Variants in SLC6A20 observed in about 807,000 individuals in gnomAD.
SLC6A20 encodes the protein sodium- and chloride-dependent transporter XTRP3.
SLC6A20 carries 73 observed loss-of-function variants against 64.3 expected under a neutral mutation model. The observed-to-expected ratio is 1.14, with a 90% CI of 0.94 to 1.38. The LOEUF is 1.38. SLC6A20 is among the 40% of genes most tolerant of loss of function. The pLI, the probability that SLC6A20 is intolerant of heterozygous loss-of-function variation, is 0.00. For synonymous variants in SLC6A20, 347 were observed against 329.6 expected (o/e 1.05, Z -0.57); for missense variants, 725 against 772.8 (o/e 0.94, Z 0.73).
chr3:45,779,720 C>A (rs1700036879), intron 3 of SLC6A20, among the ~76,000 whole-genome samples: 1 of 152,198 alleles, frequency 6.6e-6, no homozygotes, highest in Non-Finnish European at 1.5e-5. Flanking sequence ...TGTGTGGGGT[C>A]ACATCCATCA....
chr3:45,779,746 A>G (rs970481954), intron 3 of SLC6A20, among the ~76,000 whole-genome samples: 3 of 152,188 alleles, frequency 2.0e-5, no homozygotes, highest in African/African-American at 7.2e-5. Flanking sequence ...AATCCACTGA[A>G]AGCCATGGAC....
At chr3:45,775,310 G>T (rs532344418) in intron 4 of SLC6A20, among the ~76,000 whole-genome samples, 6 of 152,244 alleles carry the variant, frequency 3.9e-5, no homozygotes, top group African/African-American at 1.4e-4. Context: ...ACCCCAGACT[G>T]GTTACTGCAG....
intron 3 of SLC6A20, 114 bp downstream of exon 3, chr3:45,779,895 C>A (rs1415109512): frequency 8.7e-7 from 1 of 1,144,154 alleles, no homozygotes; most frequent in Non-Finnish European, 1.2e-6. Flanking sequence ...CCCACCGGCT[C>A]CCCGCCCCGA....
chr3:45,764,988 G>A (rs1283269212), intron 8 of SLC6A20, among the ~76,000 whole-genome samples: 2 of 151,638 alleles, frequency 1.3e-5, no homozygotes, highest in Non-Finnish European at 2.9e-5. Flanking sequence ...TGAGATGGGC[G>A]AATCACCTGG....
In SLC6A20 at chr3:45,770,140, A is replaced by G. The variant is rs1050837811; in HGVS notation, c.1098+69T>C. 2.6e-5 allele frequency: 41 copies of G among 1,590,184 alleles called. 1 individual carries two copies. The South Asian group carries it at 4.3e-4, about 17-fold the overall frequency. On this transcript the variant is annotated intron_variant, in intron 7 of 10. Transcript: ENST00000358525. ...ACAGACCTCGCCTATCTCCCAAGTC[A>G]GCAGCTCACCAAGGTTCCCATGAGT...
chr3:45,794,183 C>T (rs915149295), intron 1 of SLC6A20, among the ~76,000 whole-genome samples: 6 of 152,216 alleles, frequency 3.9e-5, no homozygotes, highest in African/African-American at 1.4e-4. Context: ...CAACAACAGC[C>T]TCTCAGGTGG....
Position 45,765,620 on chromosome 3 carries a change from A to G in SLC6A20, c.1220T>C (p.Met407Thr), listed in dbSNP as rs751727665. Reference protein sequence around the residue: ...FMLLMLGIGSMLGNTAAILTP... With the variant: ...FMLLMLGIGSTLGNTAAILTP... ...GAGGATGGCCGCTGTGTTCCCCAGC[A>G]TGCTCCCAATGCCCAGCATCAGCAG... is the stretch of plus-strand genomic sequence containing the variant. The change falls in exon 8 of 11, where the codon ATG becomes ACG. Residue 407 changes from methionine to threonine, a missense_variant. Coordinates refer to ENST00000358525, the MANE Select transcript of SLC6A20 (RefSeq NM_020208.4). The surrounding 1 kb of genome is among the most constrained non-coding windows in gnomAD (Gnocchi z 4.2). 107 of 1,614,042 alleles carry G rather than the reference A, an allele frequency of 6.6e-5. No individual in the cohort carries two copies. In the Admixed American group the frequency reaches 1.7e-3, roughly 26 times the overall value.
At chr3:45,774,906 T>G (rs1288274853) in intron 4 of SLC6A20, among the ~76,000 whole-genome samples, 1 of 152,180 alleles carries the variant, frequency 6.6e-6, no homozygotes, top group Non-Finnish European at 1.5e-5. Flanking sequence ...TTCAGGTAAC[T>G]GGGATCATGA....
chr3:45,778,237 C>G (rs925546179), intron 3 of SLC6A20, among the ~76,000 whole-genome samples: 1 of 152,224 alleles, frequency 6.6e-6, no homozygotes, highest in Non-Finnish European at 1.5e-5. Flanking sequence ...TCCAACCCCA[C>G]CAGCTATGAG....
At position 45,770,301 on chromosome 3, in the gene SLC6A20, C is replaced by T. The variant is rs185440350; in HGVS notation, c.1006G>A (p.Val336Met). The T allele has an allele frequency of 3.3e-5, 54 of 1,614,088 alleles. No homozygotes were observed. The highest frequency in any genetic ancestry group is 8.3e-5 in the Admixed American group (5 of 60,006). Residue 336 changes from valine to methionine, a missense_variant, in exon 7 of 11, where the codon GTG becomes ATG. By Grantham distance (21) the Val-to-Met change is conservative. Coordinates refer to ENST00000358525, the MANE Select transcript of SLC6A20 (RefSeq NM_020208.4). Reference sequence around the variant, plus strand: ...TAGGCAGATGCGAGGTAGCCCTTCACCTGCTCCAGGTTGCTGGCTGTCAAA... The same window carrying T: ...TAGGCAGATGCGAGGTAGCCCTTCATCTGCTCCAGGTTGCTGGCTGTCAAA... ...GFLTASNLEQ[V>M]KGYLASAYPS...
Position 45,756,255 on chromosome 3 carries a change from G to C in SLC6A20, c.*2723C>G, listed in dbSNP as rs1396303247. ...GCACCCTGACTGATGACTGATCCCA[G>C]GTGGCCCTGAGTTGTAAGACGGTGA... On this transcript the variant is annotated 3_prime_UTR_variant, in exon 11 of 11. Coordinates refer to ENST00000358525, the MANE Select transcript of SLC6A20 (RefSeq NM_020208.4). The C allele has an allele frequency of 1.3e-5, 2 of 152,268 alleles. No homozygotes were observed. The highest frequency in any genetic ancestry group is 2.9e-5 in the Non-Finnish European group (2 of 68,080). The allele number at this position is 152,268 out of a possible 1,614,324, so 9.4% of individuals were successfully genotyped here. A position where few individuals can be genotyped will look rare whatever the true frequency, so the allele number is the denominator to read the frequency against.
rs761532331 is a variant in SLC6A20 at position 45,782,189 on chromosome 3, G to A, written c.156C>T (p.Ile52=). 18 of 1,613,700 alleles carry A rather than the reference G, an allele frequency of 1.1e-5. No homozygotes were observed. The highest frequency in any genetic ancestry group is 8.0e-5 in the African/African-American group (6 of 74,882). ...GGTACAAGAGCGGCATTCCCTCCAC[G>A]ATAAGCATGATGATGTAGGGGACCA... ...SFLVPYIIML[I]VEGMPLLYLE... is the part of the protein sequence containing the mutation. Residue 52 remains isoleucine (I), a synonymous_variant, in exon 2 of 11, where the codon ATC becomes ATT. Transcript: ENST00000358525.
intron 3 of SLC6A20, among the ~76,000 whole-genome samples, chr3:45,776,703 T>C (rs764973756): frequency 1.3e-5 from 2 of 152,280 alleles, no homozygotes; most frequent in East Asian, 3.9e-4. Flanking sequence ...GCACAGAACC[T>C]GAGACTTACG....
chr3:45,758,918 G>C lies in SLC6A20; in HGVS notation c.*60C>G, dbSNP rs1381906418. On this transcript the variant is annotated 3_prime_UTR_variant, in exon 11 of 11. Coordinates refer to ENST00000358525, the MANE Select transcript of SLC6A20 (RefSeq NM_020208.4). ...GGCTTAAGCATTTGAAAAAGCAGCC[G>C]AGGAGTTTCCGCCTGTAAATAGTAT... 2.6e-6 allele frequency: 4 copies of C among 1,518,660 alleles called. No individual in the cohort carries two copies. The African/African-American group carries it at 5.6e-5, about 21-fold the overall frequency. 94.1% of individuals were successfully genotyped at this position (1,518,660 alleles called of 1,614,324 possible).
At chr3:45,762,795 G>T in intron 9 of SLC6A20, 118 bp downstream of exon 9, 1 of 1,341,776 alleles carries the variant, frequency 7.5e-7, no homozygotes. Flanking sequence ...GTTGAGTCAT[G>T]ATGCGAAGCT....
At chr3:45,775,641 C>A (rs1699951688) in intron 4 of SLC6A20, 120 bp downstream of exon 4, 2 of 919,698 alleles carry the variant, frequency 2.2e-6, no homozygotes, top group Non-Finnish European at 3.2e-6. Flanking sequence ...ATAGCTGCTG[C>A]CTTTCCACTG....
At position 45,786,400 on chromosome 3, in the gene SLC6A20, TG is replaced by T. The variant is rs368837851; in HGVS notation, c.122-4178del. On this transcript the variant is annotated intron_variant, in intron 1 of 10. Coordinates refer to ENST00000358525, the MANE Select transcript of SLC6A20 (RefSeq NM_020208.4). ...CTCCTTAGACATTTTTGCCTTTCTT[TG>T]TCTTTCATGACCTTTCACAGTGCTT... 2.4e-4 allele frequency among the ~76,000 whole-genome samples: 37 copies of T among 152,386 alleles called. No homozygotes were observed. In the East Asian group the frequency reaches 6.0e-3, roughly 25 times the overall value.
Position 45,759,922 on chromosome 3 carries a change from C to A in SLC6A20, c.1564G>T (p.Val522Phe). The A allele has an allele frequency of 6.2e-7, 1 of 1,614,190 alleles. No individual in the cohort carries two copies. Among genetic ancestry groups the A allele is most frequent in the South Asian group, 1.1e-5 (1 of 91,090 alleles). ...AGGATGTAGTCGCTCAGGTAGAAGA[C>A]AAAGAGGCTGACAATCAGCAGTGGG... ...VSPLLIVSLF[V>F]FYLSDYILTG... The change falls in exon 10 of 11, where the codon GTC (valine) becomes TTC (phenylalanine). Residue 522 changes from valine to phenylalanine, a missense_variant. By Grantham distance (50) the Val-to-Phe change is conservative. Coordinates refer to ENST00000358525, the MANE Select transcript of SLC6A20 (RefSeq NM_020208.4).
At chr3:45,767,655 A>C (rs541275772) in intron 7 of SLC6A20, among the ~76,000 whole-genome samples, 93 of 152,340 alleles carry the variant, frequency 6.1e-4, no homozygotes, top group African/African-American at 1.9e-3. Context: ...GAATTTTCCA[A>C]AACTGATAAG....
Sources: allele counts gnomAD v4.1 joint callset (sites outside exome capture counted in the v4.1 genomes callset), GRCh38; gene constraint gnomAD v4.1.1; non-coding constraint Gnocchi (gnomAD v3.1); transcripts MANE v1.5; gene names NCBI Gene and HGNC (gene_info 2026-07-23, HGNC 2026-07-21).